NCOR2: variants seen among roughly 807,000 people sequenced by gnomAD.
NCOR2 encodes nuclear receptor corepressor 2, also known as CTG repeat protein 26.
NCOR2 carries 81 observed loss-of-function variants against 262.9 expected under a neutral mutation model. That is an observed-to-expected ratio of 0.31 (90% confidence interval 0.26 to 0.37). The LOEUF (loss-of-function observed/expected upper bound fraction) is 0.37, where lower values mean the gene tolerates loss of function less well. Ranked by LOEUF, NCOR2 falls within the 10% of genes least tolerant of loss-of-function variation. The pLI is 1.00. For missense variants in NCOR2, 3,385 were observed against 3,621.4 expected, an observed-to-expected ratio of 0.93 and a Z score of 1.68; for synonymous variants, 1,659 against 1,559.3, an observed-to-expected ratio of 1.06 and a Z score of -1.51.
chr12:124,515,366 C>T lies in NCOR2; in HGVS notation c.-117-19998G>A, dbSNP rs1345207395. Among the ~76,000 whole-genome samples the T allele has an allele frequency of 5.4e-5, 6 of 111,250 alleles. No individual in the cohort carries two copies. The Admixed American group carries it at 6.4e-4, about 12-fold the overall frequency. 73.0% of individuals were successfully genotyped at this position (111,250 alleles called of 152,430 possible). A position where few individuals can be genotyped will look rare whatever the true frequency, so the allele number is the denominator to read the frequency against. On this transcript the variant is annotated intron_variant, in intron 1 of 46. Coordinates refer to the NCOR2 transcript ENST00000404621. ...CCAGCCTGGGTGACGGAGTGAGACTCGGTTTCAAAAAAGGAAAAAAAAAAA... is the reference window on the plus strand; with the variant it reads ...CCAGCCTGGGTGACGGAGTGAGACTTGGTTTCAAAAAAGGAAAAAAAAAAA...
chr12:124,567,099 C>T (rs915951492), intron 1 of NCOR2, among the ~76,000 whole-genome samples: 72 of 151,990 alleles, frequency 4.7e-4, no homozygotes, highest in Admixed American at 4.4e-3. Flanking sequence ...CTGGAGTTCC[C>T]CTAAGTTCCC....
exon 4 of NCOR2, chr12:124,473,028 A>G: frequency 6.2e-7 from 1 of 1,614,174 alleles, no homozygotes; most frequent in Non-Finnish European, 8.5e-7. Flanking sequence ...GTTCTGGATC[A>G]GCTCCTCCTT....
rs545221494 is a variant in NCOR2 at position 124,453,191 on chromosome 12, C to T, written c.763-3324G>A. 2.6e-5 allele frequency among the ~76,000 whole-genome samples: 4 copies of T among 152,288 alleles called. No homozygotes were observed. In the South Asian group the frequency reaches 6.2e-4, roughly 24 times the overall value. ...CAGAGAGGGCTGCACAAAGGCCTGG[C>T]GGCTCCCAGCCCAGGCTAGCCGGGG... On this transcript the variant is annotated intron_variant, in intron 6 of 46. Coordinates refer to ENST00000405201, the Ensembl canonical transcript of NCOR2.
In NCOR2 at chr12:124,454,839, G is replaced by C. The variant is rs2045747945; in HGVS notation, c.762+2267C>G. ...AGAAATGAAGACGTACGTTCACATG[G>C]AAACGGCACACTAATGTTCACAGCA... On this transcript the variant is annotated intron_variant, in intron 6 of 46. Coordinates refer to ENST00000405201, the Ensembl canonical transcript of NCOR2. This position sits in a 1 kb window ranked among gnomAD's most constrained non-coding sequence, Gnocchi z 5.6. 6.6e-6 allele frequency among the ~76,000 whole-genome samples: 1 copy of C among 152,174 alleles called. No individual in the cohort carries two copies. Among genetic ancestry groups the C allele is most frequent in the South Asian group, 2.1e-4 (1 of 4,828 alleles).
At chr12:124,339,893 G>GACCC in intron 37 of NCOR2, 113 bp downstream of exon 39, 1 of 565,998 alleles carries the variant, frequency 1.8e-6, no homozygotes, top group Non-Finnish European at 3.0e-6. Context: ...CCACACATCT[G>GACCC]CCCACCCACC....
At chr12:124,461,754 C>A (rs57120980) in intron 5 of NCOR2, among the ~76,000 whole-genome samples, 2,069 of 152,340 alleles carry the variant, frequency 0.014, 51 homozygotes, top group African/African-American at 0.048. Flanking sequence ...TGAACACATG[C>A]GTATGCACAC....
rs1036292757 is a variant in NCOR2, at chr12:124,566,279, G to T, written c.-165+1029C>A. On this transcript the variant is annotated intron_variant, in intron 1 of 32. Coordinates refer to the NCOR2 transcript ENST00000458234. The surrounding 1 kb of genome is among the most constrained non-coding windows in gnomAD (Gnocchi z 4.3). Reference sequence around the variant, plus strand: ...CAGAACAGATCCGCCCCCGCTGCCTGCACCAGACCCTCGGAGAGCCGGAGC... The same window carrying T: ...CAGAACAGATCCGCCCCCGCTGCCTTCACCAGACCCTCGGAGAGCCGGAGC... Among the ~76,000 whole-genome samples, 1 of 152,240 alleles carries T rather than the reference G, an allele frequency of 6.6e-6. No individual in the cohort carries two copies. The highest frequency in any genetic ancestry group is 2.1e-4 in the South Asian group (1 of 4,834).
intron 44 of NCOR2, among the ~76,000 whole-genome samples, chr12:124,329,698 T>G (rs1189424863): frequency 6.6e-6 from 1 of 152,206 alleles, no homozygotes; most frequent in African/African-American, 2.4e-5. Flanking sequence ...GAGCTGTGAT[T>G]GCACCACTGC....
chr12:124,366,765 G>A (rs2039070817), intron 20 of NCOR2, among the ~76,000 whole-genome samples: 1 of 152,048 alleles, frequency 6.6e-6, no homozygotes, highest in Admixed American at 6.5e-5. Context: ...CTATCCTCCT[G>A]CTTTAGCCAC....
chr12:124,400,817 C>G, intron 14 of NCOR2, 144 bp from the exon 17 acceptor site: 1 of 1,076,496 alleles, frequency 9.3e-7, no homozygotes, highest in South Asian at 1.5e-5. Flanking sequence ...GGGGAGAGGC[C>G]TGAGGTGAGG....
intron 17 of NCOR2, among the ~76,000 whole-genome samples, chr12:124,381,630 C>G (rs1369963985): frequency 1.3e-5 from 2 of 152,220 alleles, no homozygotes; most frequent in African/African-American, 4.8e-5. Flanking sequence ...TGCCCAAGAC[C>G]ACACAGCTCA....
exon 20 of NCOR2, chr12:124,372,576 G>A (rs768236987): frequency 6.3e-7 from 1 of 1,598,390 alleles, no homozygotes; most frequent in Non-Finnish European, 8.5e-7. Context: ...GAGGAGAGGG[G>A]ATGCTCTCGG....
intron 45 of NCOR2, 112 bp from the exon 48 acceptor site, chr12:124,326,482 G>A: frequency 9.1e-7 from 1 of 1,097,954 alleles, no homozygotes; most frequent in South Asian, 2.3e-5. Flanking sequence ...TCCAAAGAGG[G>A]AGGGAGAGCA....
At position 124,468,987 on chromosome 12, in the gene NCOR2, TC is replaced by T. The variant is rs375806608; in HGVS notation, c.592-2702del. 3.4e-3 allele frequency among the ~76,000 whole-genome samples: 381 copies of T among 113,344 alleles called. 1 individual carries two copies. Among genetic ancestry groups the T allele is most frequent in the Admixed American group, 8.3e-3 (76 of 9,110 alleles). The allele number at this position is 113,344 out of a possible 152,430, so 74.4% of individuals were successfully genotyped here. On this transcript the variant is annotated intron_variant, in intron 4 of 46. Transcript: ENST00000405201. ...ATCCTCATCACCCCCATCACCCTCA[TC>T]CTCATCACCCCCATCATCCTCATCC...
Position 124,471,327 on chromosome 12 carries a change from C to T in NCOR2, c.591+1625G>A, listed in dbSNP as rs543879641. 4.6e-5 allele frequency among the ~76,000 whole-genome samples: 7 copies of T among 152,312 alleles called. 1 individual carries two copies. The highest frequency in any genetic ancestry group is 2.0e-4 in the Admixed American group (3 of 15,298). On this transcript the variant is annotated intron_variant, in intron 4 of 46. Coordinates refer to ENST00000405201, the Ensembl canonical transcript of NCOR2. Reference sequence around the variant, plus strand: ...TTGATCCTCCTTGGAGCCCCTACTTCCTTGTCTGGAGGGCACTAGATATGA... The same window carrying T: ...TTGATCCTCCTTGGAGCCCCTACTTTCTTGTCTGGAGGGCACTAGATATGA...
At chr12:124,376,965 C>A (rs533847558) in intron 18 of NCOR2, among the ~76,000 whole-genome samples, 2 of 152,150 alleles carry the variant, frequency 1.3e-5, no homozygotes, top group Non-Finnish European at 2.9e-5. Context: ...CCTCCAGGGG[C>A]CTTCGGTCAC....
intron 6 of NCOR2, among the ~76,000 whole-genome samples, chr12:124,451,697 C>G (rs1427465601): frequency 1.3e-5 from 2 of 152,124 alleles, no homozygotes; most frequent in Admixed American, 6.5e-5. Context: ...TGTGAGTGAT[C>G]AGATGGAACA....
intron 10 of NCOR2, 29 bp from the exon 13 acceptor site, chr12:124,426,829 G>A (rs773621403): frequency 2.6e-6 from 4 of 1,540,922 alleles, no homozygotes; most frequent in African/African-American, 1.4e-5. Context: ...CAGGGTCAGA[G>A]GCCCAGGGAC....
At chr12:124,372,073 G>T in exon 20 of NCOR2, 1 of 1,604,322 alleles carries the variant, frequency 6.2e-7, no homozygotes. Flanking sequence ...ACTGCAGGTA[G>T]CACTGGAGTC....
Sources: gnomAD v4.1 joint callset for allele counts (sites outside exome capture counted in the v4.1 genomes callset) on GRCh38, gnomAD v4.1.1 for gene constraint, Gnocchi (gnomAD v3.1) non-coding constraint, MANE v1.5 for transcripts, NCBI Gene and HGNC (gene_info 2026-07-23, HGNC 2026-07-21) for gene names.